Variants in CMSS1 observed in about 807,000 individuals in gnomAD.
The protein encoded by CMSS1 is protein CMSS1.
A neutral mutation model predicts 43.5 loss-of-function variants in CMSS1; 33 were observed. That is an observed-to-expected ratio of 0.76 (90% CI 0.57 to 1.01). The LOEUF (loss-of-function observed/expected upper bound fraction) is 1.01. Ranked by LOEUF, CMSS1 falls within the 50% of genes least tolerant of loss-of-function variation. CMSS1 has a pLI of 0.00. For synonymous variants in CMSS1, 115 were observed against 117.2 expected (o/e 0.98, Z 0.12); for missense variants, 313 against 326.4 (o/e 0.96, Z 0.32).
At chr3:99,928,317 T>C (rs1576579117) in intron 1 of CMSS1, among the ~76,000 whole-genome samples, 1 of 152,336 alleles carries the variant, frequency 6.6e-6, no homozygotes, top group East Asian at 1.9e-4. Flanking sequence ...GGAGTTATTT[T>C]GGCTTCGAGG....
At chr3:99,971,300 A>G (rs1708813231) in intron 1 of CMSS1, among the ~76,000 whole-genome samples, 1 of 150,052 alleles carries the variant, frequency 6.7e-6, no homozygotes. Flanking sequence ...AGATCGTGCC[A>G]CTGCCCACCA....
At chr3:100,119,061 A>G (rs751974066) in intron 1 of CMSS1, among the ~76,000 whole-genome samples, 1 of 152,104 alleles carries the variant, frequency 6.6e-6, no homozygotes, top group Non-Finnish European at 1.5e-5. Context: ...AAGATGTCTT[A>G]GTTCTATTTT....
chr3:100,162,532 G>C, intron 4 of CMSS1, 100 bp downstream of exon 4: 1 of 1,296,024 alleles, frequency 7.7e-7, no homozygotes, highest in Non-Finnish European at 1.1e-6. Flanking sequence ...TTTCCAGCGG[G>C]CATGGTGGCT....
chr3:100,086,730 TAA>T (rs2066015935), intron 1 of CMSS1, among the ~76,000 whole-genome samples: 1 of 152,168 alleles, frequency 6.6e-6, no homozygotes, highest in Admixed American at 6.5e-5. Context: ...TTACATATGG[TAA>T]AATTCACTTT....
At chr3:99,852,780 C>T (rs142911040) in intron 1 of CMSS1, among the ~76,000 whole-genome samples, 2 of 152,188 alleles carry the variant, frequency 1.3e-5, no homozygotes, top group Admixed American at 1.3e-4. Context: ...TTAGGGTCAT[C>T]GTCTTGGAAA....
intron 1 of CMSS1, chr3:99,848,166 T>C (rs1421029032): frequency 2.0e-6 from 3 of 1,532,450 alleles, no homozygotes; most frequent in South Asian, 1.3e-5. Flanking sequence ...TGCACAAACC[T>C]TCCCAAAGTA....
intron 1 of CMSS1, among the ~76,000 whole-genome samples, chr3:100,097,816 A>G (rs997832891): frequency 6.6e-6 from 1 of 152,226 alleles, no homozygotes; most frequent in East Asian, 1.9e-4. Flanking sequence ...CTCCATTTCA[A>G]CAAAATACTC....
At chr3:100,107,547 A>G (rs972415183) in intron 1 of CMSS1, among the ~76,000 whole-genome samples, 2 of 152,146 alleles carry the variant, frequency 1.3e-5, no homozygotes, top group Non-Finnish European at 2.9e-5. Context: ...CCTAACCACT[A>G]AACGATAGGC....
At chr3:99,948,819 C>T (rs920919836) in intron 1 of CMSS1, among the ~76,000 whole-genome samples, 5 of 151,788 alleles carry the variant, frequency 3.3e-5, no homozygotes, top group African/African-American at 1.2e-4. Context: ...GCCTCAGAAT[C>T]ATAAGACATC....
rs568058736 is a variant in CMSS1, at chr3:100,077,795, G to A, written c.65-69178G>A. 1.3e-4 allele frequency among the ~76,000 whole-genome samples: 20 copies of A among 152,094 alleles called. No individual in the cohort carries two copies. In the South Asian group the frequency reaches 2.7e-3, roughly 21 times the overall value. On this transcript the variant is annotated intron_variant, in intron 1 of 9. Coordinates refer to ENST00000421999, the MANE Select transcript of CMSS1 (RefSeq NM_032359.4). Reference sequence around the variant, plus strand: ...CATGGCTGTGCATGTCTGTGGTCCCGCTACTGGGAGGCTGAGACAGGAGGA... The same window carrying A: ...CATGGCTGTGCATGTCTGTGGTCCCACTACTGGGAGGCTGAGACAGGAGGA...
At chr3:100,174,725 G>C (rs531940767) in intron 8 of CMSS1, among the ~76,000 whole-genome samples, 1 of 152,100 alleles carries the variant, frequency 6.6e-6, no homozygotes, top group Non-Finnish European at 1.5e-5. Context: ...ATGTTTATAC[G>C]TTTGATATAT....
intron 1 of CMSS1, among the ~76,000 whole-genome samples, chr3:99,955,249 G>A (rs10936005): frequency 0.71 from 107,888 of 152,074 alleles, 38,599 homozygotes; most frequent in East Asian, 0.81. Context: ...CTCACACAGA[G>A]GATGGAACAG....
intron 1 of CMSS1, among the ~76,000 whole-genome samples, chr3:99,927,110 C>A (rs953070336): frequency 3.3e-5 from 5 of 152,154 alleles, no homozygotes; most frequent in African/African-American, 7.2e-5. Flanking sequence ...GCAGTTCTTA[C>A]AATTCACCAT....
intron 1 of CMSS1, among the ~76,000 whole-genome samples, chr3:99,819,515 C>T (rs1177680927): frequency 6.6e-5 from 10 of 152,024 alleles, no homozygotes; most frequent in Admixed American, 4.6e-4. Context: ...CATAACATCC[C>T]GAAAAGGTAA....
intron 1 of CMSS1, among the ~76,000 whole-genome samples, chr3:99,856,148 T>C (rs550939384): frequency 1.3e-4 from 19 of 151,282 alleles, no homozygotes; most frequent in African/African-American, 4.1e-4. Context: ...TCTGTCCTCA[T>C]AGGACTCTCA....
At chr3:99,984,116 T>G (rs997585975) in intron 1 of CMSS1, among the ~76,000 whole-genome samples, 1 of 146,500 alleles carries the variant, frequency 6.8e-6, no homozygotes, top group South Asian at 2.2e-4. Context: ...TGCTCAGGTA[T>G]GAAATAATTG....
intron 1 of CMSS1, among the ~76,000 whole-genome samples, chr3:99,968,600 G>C (rs964267281): frequency 2.0e-5 from 3 of 152,108 alleles, no homozygotes; most frequent in Admixed American, 1.3e-4. Context: ...ATTGCACAAG[G>C]AGAATATATA....
chr3:99,956,345 T>C (rs1708318699), intron 1 of CMSS1, among the ~76,000 whole-genome samples: 1 of 152,166 alleles, frequency 6.6e-6, no homozygotes, highest in South Asian at 2.1e-4. Context: ...TTCTGTCCCC[T>C]CCATCTAAGC....
At chr3:99,987,923 G>A (rs966658995) in intron 1 of CMSS1, among the ~76,000 whole-genome samples, 2 of 152,106 alleles carry the variant, frequency 1.3e-5, no homozygotes, top group Admixed American at 6.5e-5. Context: ...TCATCCTGTT[G>A]GATTCTTGAA....
Sources: allele counts gnomAD v4.1 joint callset (sites outside exome capture counted in the v4.1 genomes callset), GRCh38; gene constraint gnomAD v4.1.1; transcripts MANE v1.5; gene names NCBI Gene and HGNC (gene_info 2026-07-23, HGNC 2026-07-21).